Variants in TBC1D22A observed in about 807,000 individuals in gnomAD.
The protein encoded by TBC1D22A is putative GTPase activator.
In TBC1D22A, 38 loss-of-function variants were observed where a neutral mutation model predicts 60.2. That is an observed-to-expected ratio of 0.63 (90% CI 0.49 to 0.83). The LOEUF is 0.83. Among genes scored for constraint, TBC1D22A ranks in the 40% least tolerant of loss-of-function variants. The pLI, the probability that TBC1D22A is intolerant of heterozygous loss-of-function variation, is 0.00. For synonymous variants in TBC1D22A, 302 were observed against 281.7 expected, an observed-to-expected ratio of 1.07 and a Z score of -0.72; for missense variants, 628 against 701.0, an observed-to-expected ratio of 0.90 and a Z score of 1.18.
chr22:46,933,610 A>G (rs1156804607), intron 8 of TBC1D22A, among the ~76,000 whole-genome samples: 4 of 150,896 alleles, frequency 2.7e-5, no homozygotes, highest in Non-Finnish European at 5.9e-5. Flanking sequence ...GAGGACAGAG[A>G]CAGGGAGAGA....
In TBC1D22A at chr22:47,009,319, GTCA is replaced by G. The variant is rs1351155795; in HGVS notation, c.1201+11617_1201+11619del. The stretch of plus-strand genomic sequence containing the variant: ...TAAACACCATCATCACCACCATCAT[GTCA>G]TCATCACCATCATTATGTCATCACC... On this transcript the variant is annotated intron_variant, in intron 10 of 12. Transcript: ENST00000337137. The surrounding 1 kb of genome is among the most constrained non-coding windows in gnomAD (Gnocchi z 5.8). 6.7e-6 allele frequency among the ~76,000 whole-genome samples: 1 copy of G among 150,086 alleles called. No homozygotes were observed. Among genetic ancestry groups the G allele is most frequent in the African/African-American group, 2.5e-5 (1 of 40,680 alleles).
rs141686330 is a variant in TBC1D22A, at chr22:46,911,698, A to C, written c.901-376A>C. 7.8e-4 allele frequency among the ~76,000 whole-genome samples: 118 copies of C among 152,230 alleles called. 2 individuals carry two copies. In the East Asian group the frequency reaches 0.022, roughly 28 times the overall value. ...TTTGGGAGGCTGAGGTGGGTGGATC[A>C]CTTGAGGTCAGGAGTTCACAAGCAG... is the stretch of plus-strand genomic sequence containing the variant. On this transcript the variant is annotated intron_variant, in intron 7 of 12. Coordinates refer to ENST00000337137, the MANE Select transcript of TBC1D22A (RefSeq NM_014346.5).
chr22:46,925,209 C>T (rs138957909), intron 8 of TBC1D22A, among the ~76,000 whole-genome samples: 1 of 152,332 alleles, frequency 6.6e-6, no homozygotes, highest in East Asian at 1.9e-4. Flanking sequence ...TGCCTGACTT[C>T]CTTGAATGTT....
At chr22:46,965,416 C>T (rs116235735) in intron 8 of TBC1D22A, among the ~76,000 whole-genome samples, 1,736 of 152,294 alleles carry the variant, frequency 0.011, 27 homozygotes, top group African/African-American at 0.038. Context: ...TGGATTCCGA[C>T]GGCCCCCGTC....
Position 47,171,280 on chromosome 22 carries a change from G to A in TBC1D22A, c.1426-2218G>A, listed in dbSNP as rs992370442. Among the ~76,000 whole-genome samples, 8 of 152,172 alleles carry A rather than the reference G, an allele frequency of 5.3e-5. No individual in the cohort carries two copies. The East Asian group carries it at 1.2e-3, about 22-fold the overall frequency. ...TCGAGGCAGGCGACATGGGCATCCC[G>A]AGCCTGTGGCCCTCCCTGTCCCTTG... is the stretch of plus-strand genomic sequence containing the variant. On this transcript the variant is annotated intron_variant, in intron 12 of 12. Coordinates refer to ENST00000337137, the MANE Select transcript of TBC1D22A (RefSeq NM_014346.5).
intron 11 of TBC1D22A, among the ~76,000 whole-genome samples, chr22:47,088,375 G>T (rs1351095173): frequency 6.6e-6 from 1 of 152,102 alleles, no homozygotes; most frequent in East Asian, 1.9e-4. Context: ...CATGCCAAGA[G>T]CCCAATTTAA....
At chr22:46,785,955 A>AT (rs143359704) in intron 1 of TBC1D22A, among the ~76,000 whole-genome samples, 5 of 151,876 alleles carry the variant, frequency 3.3e-5, no homozygotes, top group Admixed American at 6.6e-5. Flanking sequence ...TAATTTTTTG[A>AT]TTTTTTGTAG....
At chr22:46,891,466 T>G in intron 6 of TBC1D22A, 72 bp downstream of exon 6, 1 of 1,485,768 alleles carries the variant, frequency 6.7e-7, no homozygotes, top group Non-Finnish European at 9.0e-7. Flanking sequence ...GGAGGAAATG[T>G]TTTATCAAAA....
chr22:46,774,646 G>T (rs984062246), intron 1 of TBC1D22A, among the ~76,000 whole-genome samples: 2 of 152,240 alleles, frequency 1.3e-5, no homozygotes, highest in Non-Finnish European at 2.9e-5. Flanking sequence ...GCCTGCAGTG[G>T]GGAAGGTGGG....
intron 12 of TBC1D22A, among the ~76,000 whole-genome samples, chr22:47,148,743 C>T (rs1436522426): frequency 1.3e-5 from 2 of 150,712 alleles, no homozygotes; most frequent in Admixed American, 6.6e-5. Context: ...CCTGGGGTCC[C>T]TCCCTCCTCT....
chr22:46,998,692 A>C (rs757167214), intron 10 of TBC1D22A, among the ~76,000 whole-genome samples: 2 of 152,214 alleles, frequency 1.3e-5, no homozygotes, highest in Non-Finnish European at 2.9e-5. Flanking sequence ...TACAAATTAC[A>C]AACTCCATTT....
chr22:47,172,071 C>G (rs1341427278), intron 12 of TBC1D22A, among the ~76,000 whole-genome samples: 2 of 123,294 alleles, frequency 1.6e-5, no homozygotes, highest in Non-Finnish European at 3.5e-5. Flanking sequence ...CCAGCACTCC[C>G]AGTGAGCCTA....
intron 9 of TBC1D22A, among the ~76,000 whole-genome samples, chr22:46,985,214 G>C (rs926861099): frequency 9.2e-5 from 14 of 152,244 alleles, no homozygotes; most frequent in African/African-American, 3.4e-4. Context: ...TATACGTCAA[G>C]AAGCAGAGTC....
chr22:46,904,520 G>C (rs914029482), intron 7 of TBC1D22A, among the ~76,000 whole-genome samples: 39 of 151,478 alleles, frequency 2.6e-4, no homozygotes, highest in African/African-American at 9.5e-4. Flanking sequence ...CCAGGCTGGA[G>C]TGCAGTGGTG....
intron 10 of TBC1D22A, among the ~76,000 whole-genome samples, chr22:47,019,332 TG>T (rs2148332088): frequency 6.6e-6 from 1 of 152,370 alleles, no homozygotes; most frequent in South Asian, 2.1e-4. Flanking sequence ...CACTGTGTGC[TG>T]GGACCTGAGT....
intron 11 of TBC1D22A, among the ~76,000 whole-genome samples, chr22:47,037,545 T>A (rs982195225): frequency 1.3e-5 from 2 of 152,160 alleles, no homozygotes; most frequent in African/African-American, 4.8e-5. Context: ...GCATGAGAAT[T>A]GCTTGAACCC....
intron 4 of TBC1D22A, among the ~76,000 whole-genome samples, chr22:46,852,929 G>A (rs112247129): frequency 3.9e-4 from 59 of 152,320 alleles, no homozygotes; most frequent in African/African-American, 1.4e-3. Context: ...CTTGCATGAA[G>A]AGCCTGGTTT....
At chr22:47,115,982 C>G (rs1415296415) in intron 12 of TBC1D22A, 25 of 152,364 alleles carry the variant, frequency 1.6e-4, no homozygotes, top group Non-Finnish European at 3.5e-4. Flanking sequence ...TTCATTTATC[C>G]ATTTTACCCC....
chr22:47,063,932 GC>G (rs1198013827), intron 11 of TBC1D22A, among the ~76,000 whole-genome samples: 1 of 149,776 alleles, frequency 6.7e-6, no homozygotes, highest in South Asian at 2.2e-4. Flanking sequence ...TTGGATCAGG[GC>G]CCCCCTACTC....
Sources: allele counts gnomAD v4.1 joint callset (sites outside exome capture counted in the v4.1 genomes callset), GRCh38; gene constraint gnomAD v4.1.1; non-coding constraint Gnocchi (gnomAD v3.1); transcripts MANE v1.5; gene names NCBI Gene and HGNC (gene_info 2026-07-23, HGNC 2026-07-21).